The following CYP4V2 variants were observed in gnomAD, a reference collection of about 807,000 sequenced individuals.
CYP4V2 encodes cytochrome P450 family 4 subfamily V member 2.
CYP4V2 carries 55 observed loss-of-function variants against 60.8 expected under a neutral mutation model. The observed-to-expected ratio is 0.90, with a 90% CI of 0.73 to 1.13. The LOEUF (loss-of-function observed/expected upper bound fraction) is 1.13. CYP4V2 is among the 50% of genes most tolerant of loss of function. The pLI, the probability that CYP4V2 is intolerant of heterozygous loss-of-function variation, is 0.00. For missense variants in CYP4V2, 675 were observed against 662.9 expected, an observed-to-expected ratio of 1.02 and a Z score of -0.20; for synonymous variants, 239 against 236.8, an observed-to-expected ratio of 1.01 and a Z score of -0.08.
chr4:186,204,523 G>T (rs1490621822), intron 7 of CYP4V2: 2 of 183,716 alleles, frequency 1.1e-5, no homozygotes, highest in African/African-American at 4.8e-5. Context: ...GGCTCAGCTG[G>T]CTTTGTCATC....
intron 5 of CYP4V2, 80 bp downstream of exon 5, chr4:186,197,682 G>GT (rs1736194673): frequency 1.4e-6 from 2 of 1,452,836 alleles, no homozygotes; most frequent in Non-Finnish European, 1.9e-6. Flanking sequence ...TTTCTGCGTT[G>GT]TATCTTTTTA....
At chr4:186,202,639 CACAT>C (rs1428139963) in intron 7 of CYP4V2, 65 of 150,642 alleles carry the variant, frequency 4.3e-4, no homozygotes, top group African/African-American at 1.5e-3. Flanking sequence ...CTTACACACA[CACAT>C]ATGCTCATGC....
At chr4:186,207,583 ATAAT>A (rs10563190) in intron 8 of CYP4V2, among the ~76,000 whole-genome samples, 55,249 of 147,582 alleles carry the variant, frequency 0.37, 10,565 homozygotes, top group South Asian at 0.55. Flanking sequence ...TAAATAATTA[ATAAT>A]TAATACTTTG....
At chr4:186,202,104 G>A (rs1736321413) in intron 7 of CYP4V2, 3 of 152,274 alleles carry the variant, frequency 2.0e-5, no homozygotes, top group Admixed American at 2.0e-4. Flanking sequence ...GTAGAAGAAG[G>A]TTGTGTGATG....
At chr4:186,205,131 G>A in intron 7 of CYP4V2, 69 bp from the exon 8 acceptor site, 2 of 1,410,312 alleles carry the variant, frequency 1.4e-6, no homozygotes, top group Admixed American at 1.7e-5. Context: ...ATTCAAAAGA[G>A]GTTTCTGGTC....
intron 8 of CYP4V2, among the ~76,000 whole-genome samples, chr4:186,207,824 G>A (rs1024193371): frequency 6.6e-6 from 1 of 152,168 alleles, no homozygotes; most frequent in Non-Finnish European, 1.5e-5. Flanking sequence ...CTGGAAGCCT[G>A]TGATTTACTT....
At chr4:186,205,065 C>T in intron 7 of CYP4V2, 135 bp from the exon 8 acceptor site, 1 of 853,942 alleles carries the variant, frequency 1.2e-6, no homozygotes, top group East Asian at 2.6e-5. Flanking sequence ...CAAGGTGCTG[C>T]ACAGAATTCA....
At chr4:186,210,286 A>G (rs1039904724) in intron 10 of CYP4V2, among the ~76,000 whole-genome samples, 183 bp from the exon 11 acceptor site, 2 of 152,196 alleles carry the variant, frequency 1.3e-5, no homozygotes, top group African/African-American at 4.8e-5. Context: ...ATAGATGTGC[A>G]AGGTGGGATC....
In CYP4V2 at chr4:186,195,546, G is replaced by C. The variant is rs566705043; in HGVS notation, c.328-457G>C. On this transcript the variant is annotated intron_variant, in intron 2 of 10. Coordinates refer to ENST00000378802, the MANE Select transcript of CYP4V2 (RefSeq NM_207352.4). The surrounding 1 kb of genome is among the most constrained non-coding windows in gnomAD (Gnocchi z 4.1). ...GCTGCCTCTATGCTGGGGACACTCC[G>C]AACAGGCATCTCCAGCTCAGGCCTT... 1.4e-4 allele frequency among the ~76,000 whole-genome samples: 21 copies of C among 152,128 alleles called. No individual in the cohort carries two copies. Among genetic ancestry groups the C allele is most frequent in the Admixed American group, 1.3e-3 (20 of 15,268 alleles).
In CYP4V2 at chr4:186,209,141, C is replaced by A; in HGVS notation, c.1274C>A (p.Ala425Glu). ...KGTEAVIIPY[A>E]LHRDPRYFPN... is the part of the protein sequence containing the mutation. ...ACTGAAGCCGTCATCATTCCCTATG[C>A]ATTGCACAGAGATCCGAGATACTTC... Residue 425 changes from alanine (A) to glutamate (E), a missense_variant, in exon 10 of 11, where the codon GCA becomes GAA. Coordinates refer to ENST00000378802, the MANE Select transcript of CYP4V2 (RefSeq NM_207352.4). The A allele has an allele frequency of 6.2e-7, 1 of 1,614,154 alleles. No homozygotes were observed. The highest frequency in any genetic ancestry group is 8.5e-7 in the Non-Finnish European group (1 of 1,180,022).
chr4:186,204,961 G>A (rs1426935391), intron 7 of CYP4V2: 4 of 561,368 alleles, frequency 7.1e-6, no homozygotes, highest in African/African-American at 3.8e-5. Context: ...GCACAGGCAC[G>A]TCCCACCAGC....
chr4:186,207,290 T>TCCCAGCTA (rs1370687334), intron 8 of CYP4V2, among the ~76,000 whole-genome samples: 1 of 151,400 alleles, frequency 6.6e-6, no homozygotes, highest in Non-Finnish European at 1.5e-5. Context: ...GTGCCTGTAG[T>TCCCAGCTA]CCCAGCTACT....
At chr4:186,200,368 G>A (rs1203764532) in intron 6 of CYP4V2, among the ~76,000 whole-genome samples, 1 of 152,164 alleles carries the variant, frequency 6.6e-6, no homozygotes, top group Non-Finnish European at 1.5e-5. Context: ...AATATCTAGT[G>A]AGTATTTGTT....
Position 186,211,471 on chromosome 4 carries a change from G to T in CYP4V2, c.*830G>T, listed in dbSNP as rs918148656. The T allele has an allele frequency of 6.6e-6, 1 of 151,980 alleles. No individual in the cohort carries two copies. Among genetic ancestry groups the T allele is most frequent in the Admixed American group, 6.6e-5 (1 of 15,244 alleles). 9.4% of individuals were successfully genotyped at this position (151,980 alleles called of 1,614,324 possible). On this transcript the variant is annotated 3_prime_UTR_variant, in exon 11 of 11. Transcript: ENST00000378802. ...TGGGACTACAGGCGCCTGCCACCAC[G>T]CCCAGCTAATTTTTGTATTTTTAGT...
intron 3 of CYP4V2, chr4:186,196,730 C>T: frequency 1.8e-6 from 1 of 554,996 alleles, no homozygotes; most frequent in Non-Finnish European, 3.1e-6. Flanking sequence ...CCAAAATACT[C>T]ATATTTTGTA....
intron 8 of CYP4V2, among the ~76,000 whole-genome samples, chr4:186,206,881 ATT>A (rs1736523508): frequency 6.6e-6 from 1 of 152,192 alleles, no homozygotes; most frequent in African/African-American, 2.4e-5. Context: ...TTTTGCTTAG[ATT>A]GCCTTGAGTG....
chr4:186,192,766 G>A (rs1736028511), intron 1 of CYP4V2, among the ~76,000 whole-genome samples: 1 of 152,134 alleles, frequency 6.6e-6, no homozygotes, highest in African/African-American at 2.4e-5. Flanking sequence ...GGGCGAACTC[G>A]ATCTCAGAGT....
At chr4:186,192,359 A>AG (rs1736016692) in intron 1 of CYP4V2, 2 of 567,194 alleles carry the variant, frequency 3.5e-6, no homozygotes, top group African/African-American at 3.7e-5. Flanking sequence ...GGGAAGCCTT[A>AG]GGAACAGAAG....
intron 7 of CYP4V2, chr4:186,204,100 T>C (rs1169715488): frequency 6.5e-6 from 1 of 153,180 alleles, no homozygotes; most frequent in Non-Finnish European, 1.5e-5. Flanking sequence ...GATGAGGAGG[T>C]AGATAAGAAG....
Sources: allele counts gnomAD v4.1 joint callset (sites outside exome capture counted in the v4.1 genomes callset), GRCh38; gene constraint gnomAD v4.1.1; non-coding constraint Gnocchi (gnomAD v3.1); transcripts MANE v1.5; gene names NCBI Gene and HGNC (gene_info 2026-07-23, HGNC 2026-07-21).